Variants in LRRC57 observed in about 807,000 individuals in gnomAD.
LRRC57 encodes leucine rich repeat containing 57.
In LRRC57, 14 loss-of-function variants were observed where a neutral mutation model predicts 23.1. The observed-to-expected ratio is 0.61, with a 90% confidence interval of 0.40 to 0.95. The LOEUF is 0.95. Among genes scored for constraint, LRRC57 ranks in the 40% least tolerant of loss-of-function variants. The probability of loss-of-function intolerance (pLI) is 0.00; values close to 1 mark genes in which losing one functional copy is unlikely to be tolerated. For synonymous variants in LRRC57, 106 were observed against 115.2 expected, an observed-to-expected ratio of 0.92 and a Z score of 0.51; for missense variants, 236 against 284.4, an observed-to-expected ratio of 0.83 and a Z score of 1.22.
downstream of LRRC57, among the ~76,000 whole-genome samples, chr15:42,534,901 T>C (rs986967157): frequency 6.6e-6 from 1 of 152,230 alleles, no homozygotes; most frequent in African/African-American, 2.4e-5. Context: ...CAGGTTTCAT[T>C]GTTCCATTTA....
At chr15:42,531,429 A>G in the LRRC57 span, 2 of 1,587,496 alleles carry the variant, frequency 1.3e-6, no homozygotes, top group Admixed American at 1.8e-5. Context: ...ACCAACAGAG[A>G]TCGTATTGAT....
chr15:42,545,442 T>TTAC, intron 4 of LRRC57, 180 bp from the exon 5 acceptor site: 1 of 388,816 alleles, frequency 2.6e-6, no homozygotes, highest in Non-Finnish European at 4.5e-6. Flanking sequence ...CTAGCTTCTG[T>TTAC]TACTACGCCC....
At chr15:42,535,714 A>G (rs1051764879), downstream of LRRC57, among the ~76,000 whole-genome samples, 15 of 152,100 alleles carry the variant, frequency 9.9e-5, no homozygotes, top group African/African-American at 3.1e-4. Context: ...GCGCCCGGCT[A>G]TGACTCTTCT....
rs569410276 is a variant in LRRC57, at chr15:42,545,732, CT to C, written c.493-471del. On this transcript the variant is annotated intron_variant, in intron 4 of 5. Coordinates refer to ENST00000397130, the MANE Select transcript of LRRC57 (RefSeq NM_153260.3). ...CTGCATTTAACTGTACTATCTATCC[CT>C]TCCTTAAAACCCCTTATTTTTGTCC... 5.3e-5 allele frequency among the ~76,000 whole-genome samples: 8 copies of C among 152,292 alleles called. No homozygotes were observed. The East Asian group carries it at 1.5e-3, about 29-fold the overall frequency.
Position 42,537,847 on chromosome 15 carries a change from A to G in LRRC57, c.*6236T>C, listed in dbSNP as rs2057608185. ...CATGTTCTTACTCATGTGAGCTAAA[A>G]AATTTATTTCATGGAGGTAGAGAGT... On this transcript the variant is annotated 3_prime_UTR_variant, in exon 6 of 6. Transcript: ENST00000397130. The G allele has an allele frequency of 6.6e-6, 1 of 152,210 alleles. No homozygotes were observed. The highest frequency in any genetic ancestry group is 6.5e-5 in the Admixed American group (1 of 15,278). 9.4% of individuals were successfully genotyped at this position (152,210 alleles called of 1,614,324 possible).
intron 3 of LRRC57, 122 bp from the exon 4 acceptor site, chr15:42,547,651 A>G: frequency 1.2e-6 from 1 of 867,576 alleles, no homozygotes; most frequent in African/African-American, 1.7e-5. Context: ...AAACTCCCAC[A>G]TGTGCCATTT....
chr15:42,548,657 G>A (rs1334437611), intron 1 of LRRC57, 36 bp downstream of exon 1: 3 of 623,276 alleles, frequency 4.8e-6, no homozygotes, highest in Non-Finnish European at 8.4e-6. Flanking sequence ...AGGCGCCTCT[G>A]GGAGCCTACG....
At chr15:42,529,968 T>C in the LRRC57 span, 1 of 811,546 alleles carries the variant, frequency 1.2e-6, no homozygotes, top group Non-Finnish European at 1.9e-6. Flanking sequence ...TTCTAACACA[T>C]AAAACAAGAG....
downstream of LRRC57, among the ~76,000 whole-genome samples, chr15:42,533,765 G>A (rs2057585443): frequency 6.6e-6 from 1 of 152,196 alleles, no homozygotes; most frequent in African/African-American, 2.4e-5. Flanking sequence ...GATACTGAGG[G>A]TTCAGTTCTA....
the LRRC57 span, chr15:42,531,724 T>A: frequency 2.9e-6 from 1 of 343,384 alleles, no homozygotes; most frequent in Non-Finnish European, 5.2e-6. Flanking sequence ...ATATGTCATG[T>A]TTAGTGTTTT....
At chr15:42,536,589 A>G (rs538036953), downstream of LRRC57, among the ~76,000 whole-genome samples, 1 of 152,356 alleles carries the variant, frequency 6.6e-6, no homozygotes, top group South Asian at 2.1e-4. Flanking sequence ...CATGGAACCC[A>G]GGTTGAAACT....
chr15:42,528,448 T>C, the LRRC57 span: 1 of 1,610,114 alleles, frequency 6.2e-7, no homozygotes, highest in Admixed American at 1.7e-5. Flanking sequence ...GATATTCCTG[T>C]ACCTTTCTTA....
At chr15:42,529,711 G>C in the LRRC57 span, 2 of 1,614,098 alleles carry the variant, frequency 1.2e-6, no homozygotes, top group Non-Finnish European at 1.7e-6. Flanking sequence ...AAATGGAAGA[G>C]AACCTGACTC....
chr15:42,528,873 A>G, the LRRC57 span, among the ~76,000 whole-genome samples: 1 of 152,234 alleles, frequency 6.6e-6, no homozygotes, highest in Non-Finnish European at 1.5e-5. Context: ...GGCATAAGCT[A>G]CCACACCTGG....
chr15:42,534,411 G>T (rs1305247335), downstream of LRRC57, among the ~76,000 whole-genome samples: 1 of 152,102 alleles, frequency 6.6e-6, no homozygotes, highest in Non-Finnish European at 1.5e-5. Flanking sequence ...TTACAGGCGT[G>T]AGCCACCACA....
downstream of LRRC57, among the ~76,000 whole-genome samples, chr15:42,535,254 C>G (rs2141569931): frequency 6.6e-6 from 1 of 152,314 alleles, no homozygotes; most frequent in East Asian, 1.9e-4. Flanking sequence ...TCCCTTAAAC[C>G]TCATGAACCA....
Position 42,543,851 on chromosome 15 carries a change from C to G in LRRC57, c.*232G>C, listed in dbSNP as rs2057643121. 2 of 416,832 alleles carry G rather than the reference C, an allele frequency of 4.8e-6. No individual in the cohort carries two copies. The highest frequency in any genetic ancestry group is 8.6e-6 in the Non-Finnish European group (2 of 231,922). The allele number at this position is 416,832 out of a possible 1,614,324, so 25.8% of individuals were successfully genotyped here. A position where few individuals can be genotyped will look rare whatever the true frequency, so the allele number is the denominator to read the frequency against. On this transcript the variant is annotated 3_prime_UTR_variant, in exon 6 of 6. Transcript: ENST00000397130. Reference sequence around the variant, plus strand: ...TTTTGAAGAGAACCTTGTCTATTGCCCTACTCATGACTCAAAACGGAAGAC... The same window carrying G: ...TTTTGAAGAGAACCTTGTCTATTGCGCTACTCATGACTCAAAACGGAAGAC...
At chr15:42,547,934 C>T in intron 3 of LRRC57, 172 bp downstream of exon 3, 1 of 641,024 alleles carries the variant, frequency 1.6e-6, no homozygotes, top group South Asian at 2.0e-5. Context: ...CATTATAAGG[C>T]TTATTTTAGA....
Position 42,538,147 on chromosome 15 carries a change from A to C in LRRC57, c.*5936T>G, listed in dbSNP as rs2057610211. On this transcript the variant is annotated 3_prime_UTR_variant, in exon 6 of 6. Transcript: ENST00000397130. ...CATTCTATGCATGTCTCAGAATATC[A>C]CAAGTACCCCATAAATATGAACAAA... The C allele has an allele frequency of 6.6e-6, 1 of 152,178 alleles. No individual in the cohort carries two copies. The highest frequency in any genetic ancestry group is 2.1e-4 in the South Asian group (1 of 4,834). 9.4% of individuals were successfully genotyped at this position (152,178 alleles called of 1,614,324 possible). A position where few individuals can be genotyped will look rare whatever the true frequency, so the allele number is the denominator to read the frequency against.
Sources: gnomAD v4.1 joint callset for allele counts (sites outside exome capture counted in the v4.1 genomes callset) on GRCh38, gnomAD v4.1.1 for gene constraint, MANE v1.5 for transcripts, NCBI Gene and HGNC (gene_info 2026-07-23, HGNC 2026-07-21) for gene names.